Variants in ATP2C1 observed in about 807,000 individuals in gnomAD.
ATP2C1 encodes calcium-transporting ATPase type 2C member 1.
Under a neutral mutation model 120.5 loss-of-function variants are expected in ATP2C1, and 31 were observed. The ratio of observed to expected loss-of-function variants is 0.26; its 90% CI spans 0.19 to 0.35. ATP2C1 has a LOEUF of 0.35. Ranked by LOEUF, ATP2C1 falls within the 10% of genes least tolerant of loss-of-function variation. The pLI is 1.00. For synonymous variants in ATP2C1, 351 were observed against 358.7 expected (o/e 0.98, Z 0.24); for missense variants, 731 against 1,107.5 (o/e 0.66, Z 4.83).
chr3:130,980,783 TA>T, intron 20 of ATP2C1, 104 bp downstream of exon 20: 1 of 857,874 alleles, frequency 1.2e-6, no homozygotes, highest in South Asian at 1.4e-5. Flanking sequence ...ATCAGGGATT[TA>T]AATAACCACC....
intron 17 of ATP2C1, among the ~76,000 whole-genome samples, chr3:130,974,300 G>A (rs1324246945): frequency 6.6e-6 from 1 of 152,182 alleles, no homozygotes; most frequent in Non-Finnish European, 1.5e-5. Flanking sequence ...CTCTCCTGCT[G>A]CCTCCCTGTC....
chr3:130,904,254 A>G (rs2058022574), intron 2 of ATP2C1, among the ~76,000 whole-genome samples: 1 of 151,992 alleles, frequency 6.6e-6, no homozygotes, highest in Non-Finnish European at 1.5e-5. Context: ...TTTATAAACT[A>G]TCCTTTTTCT....
At chr3:130,867,789 C>T (rs1179871244) in intron 1 of ATP2C1, among the ~76,000 whole-genome samples, 1 of 95,930 alleles carries the variant, frequency 1.0e-5, no homozygotes, top group Non-Finnish European at 2.2e-5. Context: ...GCCTGGCTGC[C>T]CAGTCTGGAA....
At chr3:130,857,241 A>T (rs1175459206) in intron 1 of ATP2C1, among the ~76,000 whole-genome samples, 1 of 152,258 alleles carries the variant, frequency 6.6e-6, no homozygotes, top group Non-Finnish European at 1.5e-5. Flanking sequence ...ATTATCTACA[A>T]GATGCCTGAG....
chr3:130,976,598 C>T (rs1039224600), intron 18 of ATP2C1, among the ~76,000 whole-genome samples: 11 of 152,026 alleles, frequency 7.2e-5, no homozygotes, highest in African/African-American at 2.4e-4. Context: ...CTTTTCCTTC[C>T]CCCTTTCCCC....
At position 131,016,145 on chromosome 3, in the gene ATP2C1, G is replaced by A. The variant is rs764105911; in HGVS notation, c.2630-7G>A. 1.4e-5 allele frequency: 23 copies of A among 1,613,342 alleles called. No individual in the cohort carries two copies. Among genetic ancestry groups the A allele is most frequent in the Admixed American group, 5.0e-5 (3 of 59,960 alleles). Reference sequence around the variant, plus strand: ...ACTAAAGTTTCCCATGGTGCTTACCGAGTTAGGTCTGGCTCTGGGAGAGGA... The same window carrying A: ...ACTAAAGTTTCCCATGGTGCTTACCAAGTTAGGTCTGGCTCTGGGAGAGGA... On this transcript the variant is annotated splice_polypyrimidine_tract_variant and splice_region_variant and intron_variant, in intron 26 of 26. Transcript: ENST00000328560.
intron 1 of ATP2C1, among the ~76,000 whole-genome samples, chr3:130,866,272 C>A (rs1009020385): frequency 3.9e-5 from 6 of 152,232 alleles, no homozygotes; most frequent in Admixed American, 2.0e-4. Context: ...ATTTCACTAG[C>A]GTCAAAAAAC....
rs1577039523 is a variant in ATP2C1 at position 130,997,595 on chromosome 3, T to C, written c.2244-11T>C. On this transcript the variant is annotated splice_polypyrimidine_tract_variant and intron_variant, in intron 24 of 27. Coordinates refer to ENST00000510168, the MANE Select transcript of ATP2C1 (RefSeq NM_001378687.1). Reference sequence around the variant, plus strand: ...ACTTGAAAGTAATTTATTTTTCTGTTTGTTTTTAAGCCTTGGAGTAGAACC... The same window carrying C: ...ACTTGAAAGTAATTTATTTTTCTGTCTGTTTTTAAGCCTTGGAGTAGAACC... 1 of 1,612,218 alleles carries C rather than the reference T, an allele frequency of 6.2e-7. No homozygotes were observed. The highest frequency in any genetic ancestry group is 2.2e-5 in the East Asian group (1 of 44,810).
chr3:130,879,823 C>G (rs1033326156), intron 1 of ATP2C1, among the ~76,000 whole-genome samples: 2 of 152,192 alleles, frequency 1.3e-5, no homozygotes, highest in African/African-American at 4.8e-5. Context: ...TCAGTGGTGT[C>G]TGCAAGTTCC....
intron 2 of ATP2C1, among the ~76,000 whole-genome samples, chr3:130,899,927 T>A (rs2070002946): frequency 6.6e-6 from 1 of 152,192 alleles, no homozygotes. Flanking sequence ...TTGTAATTGC[T>A]TTCTTAAGTA....
intron 17 of ATP2C1, among the ~76,000 whole-genome samples, chr3:130,971,830 T>G (rs1203795357): frequency 6.6e-6 from 1 of 152,168 alleles, no homozygotes; most frequent in African/African-American, 2.4e-5. Flanking sequence ...GATTAAGCCT[T>G]AAGACTGAAA....
chr3:130,860,896 G>T (rs1205872159), intron 1 of ATP2C1, among the ~76,000 whole-genome samples: 2 of 152,174 alleles, frequency 1.3e-5, no homozygotes. Flanking sequence ...AGAAATATAG[G>T]TGGAAATACA....
chr3:130,978,026 A>G (rs1328808385), intron 18 of ATP2C1, among the ~76,000 whole-genome samples: 1 of 152,160 alleles, frequency 6.6e-6, no homozygotes, highest in Non-Finnish European at 1.5e-5. Context: ...AAATAAATAC[A>G]GGATACTAAC....
chr3:130,863,565 CAT>C (rs1433855508), intron 1 of ATP2C1, among the ~76,000 whole-genome samples: 1 of 152,132 alleles, frequency 6.6e-6, no homozygotes, highest in African/African-American at 2.4e-5. Context: ...TTTGCAAACT[CAT>C]GTGTTATTTG....
intron 1 of ATP2C1, among the ~76,000 whole-genome samples, chr3:130,883,896 CAATTTCTTTCTT>C (rs2068868353): frequency 6.7e-6 from 1 of 149,602 alleles, no homozygotes; most frequent in Non-Finnish European, 1.5e-5. Flanking sequence ...AGAAATTTTT[CAATTTCTTTCTT>C]AATTTCTTTT....
At chr3:130,990,614 G>A (rs1337639858) in intron 20 of ATP2C1, among the ~76,000 whole-genome samples, 2 of 152,168 alleles carry the variant, frequency 1.3e-5, no homozygotes, top group East Asian at 1.9e-4. Flanking sequence ...GTTTTGAGAA[G>A]AGACACGCGA....
chr3:130,932,126 G>C lies in ATP2C1; in HGVS notation c.222G>C (p.Lys74Asn). Reference protein sequence around the residue: ...DISEDEPLWKKYISQFKNPLI... With the variant: ...DISEDEPLWKNYISQFKNPLI... ...GTGAAGATGAGCCACTGTGGAAGAAGTATATTTCTCAGGTGAGATACTTTT... is the reference window on the plus strand; with the variant it reads ...GTGAAGATGAGCCACTGTGGAAGAACTATATTTCTCAGGTGAGATACTTTT... The change falls in exon 4 of 28, where the codon AAG becomes AAC. Residue 74 changes from lysine (K) to asparagine (N), a missense_variant. Around this residue, in one of 3 missense-constraint regions of ATP2C1, gnomAD observed 571 missense variants for 845.9 expected, o/e 0.67. Coordinates refer to ENST00000510168, the MANE Select transcript of ATP2C1 (RefSeq NM_001378687.1). The C allele has an allele frequency of 1.3e-6, 2 of 1,598,366 alleles. No individual in the cohort carries two copies. Among genetic ancestry groups the C allele is most frequent in the Non-Finnish European group, 1.7e-6 (2 of 1,165,832 alleles).
chr3:130,948,392 G>A (rs2060234509), intron 8 of ATP2C1, among the ~76,000 whole-genome samples: 1 of 151,696 alleles, frequency 6.6e-6, no homozygotes, highest in Non-Finnish European at 1.5e-5. Context: ...TTTGGCCTCT[G>A]TGGTTTCTGA....
chr3:131,010,924 G>A (rs779079847), intron 26 of ATP2C1, among the ~76,000 whole-genome samples: 1 of 152,054 alleles, frequency 6.6e-6, no homozygotes, highest in Non-Finnish European at 1.5e-5. Context: ...TATAACAATG[G>A]CTATCACTTA....
Sources: allele counts gnomAD v4.1 joint callset (sites outside exome capture counted in the v4.1 genomes callset), GRCh38; gene constraint gnomAD v4.1.1; regional missense constraint gnomAD v4.1.1; transcripts MANE v1.5; gene names NCBI Gene and HGNC (gene_info 2026-07-23, HGNC 2026-07-21).